CLASP1: variants seen among roughly 807,000 people sequenced by gnomAD.
The protein encoded by CLASP1 is CLIP-associating protein 1.
In CLASP1, 38 loss-of-function variants were observed where a neutral mutation model predicts 192.3. The observed-to-expected ratio is 0.20, with a 90% confidence interval of 0.15 to 0.26. CLASP1 has a LOEUF of 0.26. CLASP1 is among the 10% of genes least tolerant of loss of function. The probability of loss-of-function intolerance (pLI) is 1.00; values close to 1 mark genes in which losing one functional copy is unlikely to be tolerated. For synonymous variants in CLASP1, 691 were observed against 712.8 expected, an observed-to-expected ratio of 0.97 and a Z score of 0.49; for missense variants, 1,433 against 1,932.5, an observed-to-expected ratio of 0.74 and a Z score of 4.85.
chr2:121,537,504 G>C (rs2095121527), intron 2 of CLASP1, among the ~76,000 whole-genome samples: 1 of 152,074 alleles, frequency 6.6e-6, no homozygotes, highest in South Asian at 2.1e-4. Flanking sequence ...AAGAAGCCCA[G>C]TGTATCACAC....
chr2:121,645,498 G>A (rs1232679742), intron 1 of CLASP1, among the ~76,000 whole-genome samples: 1 of 152,164 alleles, frequency 6.6e-6, no homozygotes, highest in Non-Finnish European at 1.5e-5. Flanking sequence ...GTCTACATTA[G>A]GATACATTTG....
chr2:121,363,130 T>A, intron 37 of CLASP1, 42 bp downstream of exon 38: 1 of 1,610,966 alleles, frequency 6.2e-7, no homozygotes, highest in Non-Finnish European at 8.5e-7. Flanking sequence ...CTGCTCCTCA[T>A]GACCCGTCTG....
chr2:121,390,966 G>A (rs1559003267), intron 30 of CLASP1, among the ~76,000 whole-genome samples: 1 of 152,104 alleles, frequency 6.6e-6, no homozygotes. Flanking sequence ...CTACAGGCGT[G>A]TGCCACTGTG....
intron 2 of CLASP1, among the ~76,000 whole-genome samples, chr2:121,538,279 G>A (rs1477401886): frequency 6.6e-6 from 1 of 152,066 alleles, no homozygotes; most frequent in Non-Finnish European, 1.5e-5. Context: ...GGGCGTGGTG[G>A]TGCATGCCTG....
At chr2:121,593,084 C>A (rs1240312730) in intron 2 of CLASP1, among the ~76,000 whole-genome samples, 1 of 152,158 alleles carries the variant, frequency 6.6e-6, no homozygotes, top group Non-Finnish European at 1.5e-5. Context: ...AAAAAAGTAA[C>A]TTTTTGAAGA....
chr2:121,624,789 T>C (rs2068016398), intron 1 of CLASP1, among the ~76,000 whole-genome samples: 1 of 152,224 alleles, frequency 6.6e-6, no homozygotes, highest in Non-Finnish European at 1.5e-5. Flanking sequence ...TTTTAACTAT[T>C]TTAAAACGTA....
At chr2:121,508,901 C>A (rs2094026859) in intron 7 of CLASP1, among the ~76,000 whole-genome samples, 2 of 152,172 alleles carry the variant, frequency 1.3e-5, no homozygotes, top group South Asian at 4.1e-4. Flanking sequence ...CAAAGACAGA[C>A]ATTTTACAAT....
intron 1 of CLASP1, among the ~76,000 whole-genome samples, chr2:121,634,304 T>TC (rs1452217934): frequency 6.6e-6 from 1 of 152,214 alleles, no homozygotes; most frequent in East Asian, 1.9e-4. Flanking sequence ...GTTACACAGT[T>TC]TGTTCAATCT....
chr2:121,401,565 T>A (rs2076157959), exon 28 of CLASP1: 1 of 1,613,532 alleles, frequency 6.2e-7, no homozygotes, highest in African/African-American at 1.3e-5. Context: ...GTAAATCTGC[T>A]CCCATTTTCT....
At chr2:121,438,529 C>G (rs982206206) in intron 19 of CLASP1, among the ~76,000 whole-genome samples, 2 of 152,194 alleles carry the variant, frequency 1.3e-5, no homozygotes, top group East Asian at 3.8e-4. Context: ...GTCTTGTGAT[C>G]TGTGTGTCTA....
In CLASP1 at chr2:121,377,659, A is replaced by G; in HGVS notation, c.3492-10T>C. The G allele has an allele frequency of 6.5e-7, 1 of 1,540,110 alleles. No individual in the cohort carries two copies. Among genetic ancestry groups the G allele is most frequent in the East Asian group, 2.3e-5 (1 of 42,600 alleles). ...ATCATAGTCCAGCATGCTAAAGATA[A>G]AAAATATTTTATTTCTTAAATCGAG... On this transcript the variant is annotated splice_polypyrimidine_tract_variant and intron_variant, in intron 33 of 39. Coordinates refer to ENST00000263710, the Ensembl canonical transcript of CLASP1.
At chr2:121,345,160 TA>T (rs1338491434) in intron 39 of CLASP1, among the ~76,000 whole-genome samples, 3 of 151,854 alleles carry the variant, frequency 2.0e-5, no homozygotes, top group Admixed American at 6.6e-5. Flanking sequence ...ATAATAACAA[TA>T]AAAAACTTAA....
chr2:121,349,391 G>A (rs1326883057), intron 37 of CLASP1, among the ~76,000 whole-genome samples: 1 of 150,358 alleles, frequency 6.7e-6, no homozygotes, highest in Non-Finnish European at 1.5e-5. Flanking sequence ...ACTGGAGGAG[G>A]GGGTGCAACG....
chr2:121,455,043 G>A (rs2086327506), intron 14 of CLASP1, among the ~76,000 whole-genome samples: 1 of 152,080 alleles, frequency 6.6e-6, no homozygotes, highest in African/African-American at 2.4e-5. Flanking sequence ...CATCCCTCTG[G>A]CATGCCAACT....
chr2:121,350,389 G>A (rs1216044517), intron 37 of CLASP1, among the ~76,000 whole-genome samples: 1 of 152,232 alleles, frequency 6.6e-6, no homozygotes, highest in Non-Finnish European at 1.5e-5. Context: ...GAAATGGACA[G>A]GAGGCCCACA....
intron 2 of CLASP1, among the ~76,000 whole-genome samples, chr2:121,541,442 A>C (rs2095231661): frequency 6.6e-6 from 1 of 152,240 alleles, no homozygotes; most frequent in South Asian, 2.1e-4. Flanking sequence ...CCAGGGTTGT[A>C]AAGTTTGGTA....
intron 39 of CLASP1, among the ~76,000 whole-genome samples, chr2:121,346,278 A>G (rs955431314): frequency 6.6e-6 from 1 of 152,214 alleles, no homozygotes; most frequent in African/African-American, 2.4e-5. Flanking sequence ...CTCTCTGGGA[A>G]CCAAGGCCTC....
chr2:121,341,065 G>A, intron 39 of CLASP1, 118 bp from the exon 41 acceptor site: 1 of 700,982 alleles, frequency 1.4e-6, no homozygotes, highest in South Asian at 1.7e-5. Context: ...TCCCTTGGTT[G>A]AGGAATTCAT....
intron 1 of CLASP1, among the ~76,000 whole-genome samples, chr2:121,621,880 C>T (rs1277240987): frequency 6.6e-6 from 1 of 152,168 alleles, no homozygotes; most frequent in African/African-American, 2.4e-5. Flanking sequence ...CGGAGTCTCA[C>T]TCTGTCACCC....
Sources: allele counts gnomAD v4.1 joint callset (sites outside exome capture counted in the v4.1 genomes callset), GRCh38; gene constraint gnomAD v4.1.1; transcripts MANE v1.5; gene names NCBI Gene and HGNC (gene_info 2026-07-23, HGNC 2026-07-21).